GRID1: variants seen among roughly 807,000 people sequenced by gnomAD.
GRID1 encodes glutamate receptor ionotropic, delta-1.
Under a neutral mutation model 98.0 loss-of-function variants are expected in GRID1, and 28 were observed. The observed-to-expected ratio is 0.29, with a 90% CI of 0.21 to 0.39. The LOEUF (loss-of-function observed/expected upper bound fraction) is 0.39, where lower values mean the gene tolerates loss of function less well. Among genes scored for constraint, GRID1 ranks in the 10% least tolerant of loss-of-function variants. GRID1 has a pLI of 1.00. For synonymous variants in GRID1, 553 were observed against 538.5 expected (o/e 1.03, Z -0.37); for missense variants, 1,111 against 1,340.5 (o/e 0.83, Z 2.67).
Position 85,828,632 on chromosome 10 carries a change from C to CA in GRID1, c.1233+25863dup, listed in dbSNP as rs540581794. Among the ~76,000 whole-genome samples the CA allele has an allele frequency of 3.1e-3, 456 of 149,146 alleles. 1 individual carries two copies. Among genetic ancestry groups the CA allele is most frequent in the African/African-American group, 0.01 (413 of 40,682 alleles). On this transcript the variant is annotated intron_variant, in intron 8 of 15. Transcript: ENST00000327946. ...AGAACATTACTACTGAACTGAAATG[C>CA]AAAAAAAAACCCAGTGACAACAACC...
intron 2 of GRID1, among the ~76,000 whole-genome samples, chr10:86,327,768 C>T (rs1358009773): frequency 6.6e-6 from 1 of 152,214 alleles, no homozygotes; most frequent in Non-Finnish European, 1.5e-5. Flanking sequence ...CTGATAATAT[C>T]AAGTGTTGGC....
intron 8 of GRID1, among the ~76,000 whole-genome samples, chr10:85,830,278 C>G (rs1842856464): frequency 6.6e-6 from 1 of 152,068 alleles, no homozygotes; most frequent in African/African-American, 2.4e-5. Flanking sequence ...GAAACTGGAC[C>G]CCTTCCTTAC....
intron 5 of GRID1, among the ~76,000 whole-genome samples, chr10:85,877,716 C>G (rs1478791070): frequency 6.6e-6 from 1 of 152,222 alleles, no homozygotes; most frequent in African/African-American, 2.4e-5. Context: ...CAGAGCACCT[C>G]TCCTCCTCCA....
intron 2 of GRID1, among the ~76,000 whole-genome samples, chr10:86,304,480 G>A (rs1847732409): frequency 6.6e-6 from 1 of 152,244 alleles, no homozygotes; most frequent in Admixed American, 6.5e-5. Context: ...CTCTGAGCAG[G>A]ACCCAGTAGG....
intron 10 of GRID1, 125 bp downstream of exon 10, chr10:85,727,730 G>C: frequency 1.5e-6 from 1 of 678,990 alleles, no homozygotes; most frequent in Non-Finnish European, 2.6e-6. Context: ...TTTGTGTGGG[G>C]AGAATGGTAA....
At chr10:86,135,788 C>A (rs1239996323) in intron 4 of GRID1, among the ~76,000 whole-genome samples, 1 of 152,236 alleles carries the variant, frequency 6.6e-6, no homozygotes, top group African/African-American at 2.4e-5. Context: ...GCCCCCAGGC[C>A]AACAGCCACC....
intron 4 of GRID1, among the ~76,000 whole-genome samples, chr10:85,993,085 T>G (rs1842701280): frequency 6.6e-6 from 1 of 152,094 alleles, no homozygotes; most frequent in Non-Finnish European, 1.5e-5. Flanking sequence ...ACACGGAATG[T>G]GAAGGGAATA....
chr10:85,930,070 C>T (rs1205395475), intron 4 of GRID1, among the ~76,000 whole-genome samples: 2 of 152,142 alleles, frequency 1.3e-5, no homozygotes, highest in East Asian at 1.9e-4. Flanking sequence ...TATATTATTT[C>T]CTTGCTTATA....
chr10:85,658,563 C>A (rs1337860049), intron 12 of GRID1, among the ~76,000 whole-genome samples: 1 of 152,142 alleles, frequency 6.6e-6, no homozygotes, highest in Non-Finnish European at 1.5e-5. Context: ...TATTAAGTAG[C>A]TCATAGCTAA....
intron 2 of GRID1, among the ~76,000 whole-genome samples, chr10:86,219,748 C>A (rs1014544133): frequency 1.3e-5 from 2 of 152,234 alleles, no homozygotes; most frequent in African/African-American, 4.8e-5. Flanking sequence ...TGCAAGTGGA[C>A]TGTTGTCCAC....
At chr10:86,064,436 C>T (rs1843691845) in intron 4 of GRID1, among the ~76,000 whole-genome samples, 1 of 152,222 alleles carries the variant, frequency 6.6e-6, no homozygotes, top group Non-Finnish European at 1.5e-5. Context: ...AGAAGCTGGC[C>T]TGGAAGGGAT....
At chr10:86,082,450 G>A (rs1017720387) in intron 4 of GRID1, among the ~76,000 whole-genome samples, 1 of 152,164 alleles carries the variant, frequency 6.6e-6, no homozygotes, top group Admixed American at 6.5e-5. Flanking sequence ...GGTTGCTCTA[G>A]GCAAGCATGC....
At chr10:86,152,637 G>A (rs1845185327) in intron 3 of GRID1, among the ~76,000 whole-genome samples, 1 of 152,232 alleles carries the variant, frequency 6.6e-6, no homozygotes, top group Non-Finnish European at 1.5e-5. Flanking sequence ...TCTCTGGCCT[G>A]GGCACGGCTC....
intron 4 of GRID1, among the ~76,000 whole-genome samples, chr10:86,131,280 G>GC (rs939947146): frequency 2.6e-5 from 4 of 152,104 alleles, no homozygotes; most frequent in East Asian, 1.9e-4. Context: ...CAGAGGCGAG[G>GC]CCCCCCCAAG....
intron 3 of GRID1, among the ~76,000 whole-genome samples, chr10:86,151,814 G>C (rs988836818): frequency 6.6e-6 from 1 of 152,196 alleles, no homozygotes; most frequent in African/African-American, 2.4e-5. Flanking sequence ...CTCGGGATCT[G>C]CGCTGGTGGG....
intron 8 of GRID1, among the ~76,000 whole-genome samples, chr10:85,844,410 TA>T (rs1170407626): frequency 1.5e-5 from 2 of 129,362 alleles, no homozygotes; most frequent in African/African-American, 3.0e-5. Flanking sequence ...AAATACTGAA[TA>T]CAACTAAATA....
chr10:86,160,634 A>C (rs1845307274), intron 3 of GRID1, among the ~76,000 whole-genome samples: 1 of 152,212 alleles, frequency 6.6e-6, no homozygotes, highest in South Asian at 2.1e-4. Flanking sequence ...CATCATCAGC[A>C]ACCCCCAGTG....
intron 5 of GRID1, among the ~76,000 whole-genome samples, chr10:85,894,631 T>A (rs773286088): frequency 6.6e-6 from 1 of 152,198 alleles, no homozygotes; most frequent in Non-Finnish European, 1.5e-5. Flanking sequence ...AAGTGTCAAT[T>A]GTACTTTTAA....
At chr10:85,648,877 GAGC>G (rs1843230364) in intron 12 of GRID1, among the ~76,000 whole-genome samples, 1 of 152,222 alleles carries the variant, frequency 6.6e-6, no homozygotes, top group Admixed American at 6.5e-5. Context: ...CCATGTGCCA[GAGC>G]AGAGACAAGC....
Sources: gnomAD v4.1 joint callset for allele counts (sites outside exome capture counted in the v4.1 genomes callset) on GRCh38, gnomAD v4.1.1 for gene constraint, MANE v1.5 for transcripts, NCBI Gene and HGNC (gene_info 2026-07-23, HGNC 2026-07-21) for gene names.